SCAI: variants seen among roughly 807,000 people sequenced by gnomAD.
SCAI encodes the protein suppressor of cancer cell invasion, also known as protein SCAI.
SCAI carries 24 observed loss-of-function variants against 92.2 expected under a neutral mutation model. The observed-to-expected ratio is 0.26, with a 90% CI of 0.19 to 0.37. SCAI has a LOEUF of 0.37. Among genes scored for constraint, SCAI ranks in the 10% least tolerant of loss-of-function variants. The probability of loss-of-function intolerance (pLI) is 1.00; values close to 1 mark genes in which losing one functional copy is unlikely to be tolerated. For missense variants in SCAI, 450 were observed against 736.2 expected (o/e 0.61, Z 4.50); for synonymous variants, 261 against 258.6 (o/e 1.01, Z -0.09).
At chr9:124,973,868 G>C (rs2131591298) in intron 15 of SCAI, among the ~76,000 whole-genome samples, 1 of 152,240 alleles carries the variant, frequency 6.6e-6, no homozygotes, top group Non-Finnish European at 1.5e-5. Flanking sequence ...TGCTCCCTAA[G>C]CTGTCTTATC....
At chr9:125,102,788 G>C (rs1192913404) in intron 2 of SCAI, among the ~76,000 whole-genome samples, 1 of 152,062 alleles carries the variant, frequency 6.6e-6, no homozygotes, top group African/African-American at 2.4e-5. Context: ...AGTAGAGGCG[G>C]GGTTTCGCCA....
At chr9:125,014,381 C>T (rs547355843) in intron 9 of SCAI, among the ~76,000 whole-genome samples, 38 of 152,252 alleles carry the variant, frequency 2.5e-4, no homozygotes, top group Middle Eastern at 3.4e-3. Flanking sequence ...TTCTTATACA[C>T]CAATAACAGA....
intron 2 of SCAI, among the ~76,000 whole-genome samples, chr9:125,140,143 C>T (rs1835632114): frequency 3.9e-5 from 6 of 152,016 alleles, no homozygotes; most frequent in African/African-American, 2.4e-5. Context: ...ATTACCAGGT[C>T]GAGGCTGCAG....
At chr9:125,079,552 TACAG>T (rs1834167843) in intron 2 of SCAI, among the ~76,000 whole-genome samples, 1 of 152,178 alleles carries the variant, frequency 6.6e-6, no homozygotes, top group South Asian at 2.1e-4. Context: ...TCAAATTTCA[TACAG>T]AAAGTATCTT....
At chr9:124,971,622 A>G in intron 16 of SCAI, 49 bp downstream of exon 16, 1 of 1,486,160 alleles carries the variant, frequency 6.7e-7, no homozygotes, top group Non-Finnish European at 9.1e-7. Context: ...AACCATTTTA[A>G]GCCATTATAG....
chr9:125,088,958 C>T (rs1017048279), intron 2 of SCAI, among the ~76,000 whole-genome samples: 1 of 152,080 alleles, frequency 6.6e-6, no homozygotes, highest in African/African-American at 2.4e-5. Flanking sequence ...TTGCATCACC[C>T]CCCTACTTGT....
rs1354567672 is a variant in SCAI, at chr9:124,944,123, A to C, written c.*8684T>G. 6.6e-6 allele frequency: 1 copy of C among 152,200 alleles called. No homozygotes were observed. Among genetic ancestry groups the C allele is most frequent in the Non-Finnish European group, 1.5e-5 (1 of 68,016 alleles). 9.4% of individuals were successfully genotyped at this position (152,200 alleles called of 1,614,324 possible). A position where few individuals can be genotyped will look rare whatever the true frequency, so the allele number is the denominator to read the frequency against. On this transcript the variant is annotated 3_prime_UTR_variant, in exon 18 of 18. Coordinates refer to ENST00000336505, the MANE Select transcript of SCAI (RefSeq NM_001144877.3). ...ACAGCAAGGTTTATTAAAAATAAGC[A>C]AAAAAGTTGGAGAACTAGCCATATG...
At chr9:125,018,597 G>A (rs1017695165) in intron 9 of SCAI, among the ~76,000 whole-genome samples, 9 of 151,934 alleles carry the variant, frequency 5.9e-5, no homozygotes, top group African/African-American at 1.9e-4. Flanking sequence ...ACTGTATCAC[G>A]AGTATCTTTC....
At chr9:125,004,387 G>C (rs1162755880) in intron 9 of SCAI, among the ~76,000 whole-genome samples, 1 of 149,476 alleles carries the variant, frequency 6.7e-6, no homozygotes, top group Non-Finnish European at 1.5e-5. Flanking sequence ...GGAGTGCAGT[G>C]GCACAATCTC....
intron 2 of SCAI, among the ~76,000 whole-genome samples, chr9:125,128,966 G>A (rs1835340088): frequency 6.6e-6 from 1 of 151,992 alleles, no homozygotes; most frequent in Admixed American, 6.6e-5. Context: ...GGGAGACTGA[G>A]GCAGGAGAAT....
At chr9:124,964,573 T>A (rs992002182) in intron 17 of SCAI, among the ~76,000 whole-genome samples, 2 of 152,202 alleles carry the variant, frequency 1.3e-5, no homozygotes, top group Non-Finnish European at 2.9e-5. Context: ...TGATAATACA[T>A]ACTCTGTGTA....
chr9:124,981,548 G>C (rs912228413), intron 14 of SCAI, among the ~76,000 whole-genome samples: 4 of 152,140 alleles, frequency 2.6e-5, no homozygotes, highest in African/African-American at 9.7e-5. Flanking sequence ...TAGGTTCAGT[G>C]CTTTAGTTAA....
At chr9:125,127,653 A>G (rs1197845602) in intron 2 of SCAI, among the ~76,000 whole-genome samples, 2 of 152,202 alleles carry the variant, frequency 1.3e-5, no homozygotes, top group Non-Finnish European at 1.5e-5. Flanking sequence ...ACCTATGGAT[A>G]TCTTTTGCAA....
At chr9:125,142,896 A>C (rs1835702261) in intron 1 of SCAI, among the ~76,000 whole-genome samples, 1 of 151,710 alleles carries the variant, frequency 6.6e-6, no homozygotes, top group African/African-American at 2.4e-5. Context: ...CCTGAGCTCA[A>C]ACCTTCCTGG....
At chr9:125,012,649 GA>G (rs1158244112) in intron 9 of SCAI, among the ~76,000 whole-genome samples, 1 of 151,980 alleles carries the variant, frequency 6.6e-6, no homozygotes, top group Non-Finnish European at 1.5e-5. Flanking sequence ...GGATACCCAG[GA>G]ATTGAACTCA....
rs77849412 is a variant in SCAI at position 125,131,003 on chromosome 9, A to G, written c.98+11630T>C. On this transcript the variant is annotated intron_variant, in intron 2 of 17. Transcript: ENST00000336505. ...ACTATATTGTGCAGGCTGGGCATTA[A>G]CTCACTCCTGGGCTCAAGTGATGCT... Among the ~76,000 whole-genome samples the G allele has an allele frequency of 5.2e-5, 7 of 133,648 alleles. No individual in the cohort carries two copies. In the East Asian group the frequency reaches 1.6e-3, roughly 31 times the overall value. The allele number at this position is 133,648 out of a possible 152,430, so 87.7% of individuals were successfully genotyped here.
intron 2 of SCAI, among the ~76,000 whole-genome samples, chr9:125,092,513 G>A (rs956067548): frequency 6.6e-6 from 1 of 152,024 alleles, no homozygotes; most frequent in Non-Finnish European, 1.5e-5. Context: ...CACATGCCCA[G>A]CCACAATGTA....
chr9:125,027,657 A>ACC lies in SCAI; in HGVS notation c.413+734_413+735insGG, dbSNP rs777008860. 4.7e-3 allele frequency among the ~76,000 whole-genome samples: 714 copies of ACC among 152,198 alleles called. 3 individuals carry two copies. The highest frequency in any genetic ancestry group is 6.5e-3 in the Non-Finnish European group (445 of 68,004). On this transcript the variant is annotated intron_variant, in intron 5 of 17. Coordinates refer to ENST00000336505, the MANE Select transcript of SCAI (RefSeq NM_001144877.3). ...TCCCTCAGCCTCCCAAGTAGCTGGGATTACAGGCACCTGCCACCACACTTG... is the reference window on the plus strand; with the variant it reads ...TCCCTCAGCCTCCCAAGTAGCTGGGACCTTACAGGCACCTGCCACCACACTTG...
chr9:125,089,688 G>C (rs556850385), intron 2 of SCAI, among the ~76,000 whole-genome samples: 8 of 145,208 alleles, frequency 5.5e-5, no homozygotes, highest in East Asian at 1.9e-4. Context: ...TTTGGGGTTG[G>C]GGGGGGCAGT....
Sources: allele counts gnomAD v4.1 joint callset (sites outside exome capture counted in the v4.1 genomes callset), GRCh38; gene constraint gnomAD v4.1.1; transcripts MANE v1.5; gene names NCBI Gene and HGNC (gene_info 2026-07-23, HGNC 2026-07-21).